Variants in GRM2 observed in about 807,000 individuals in gnomAD.
GRM2 encodes the protein glutamate metabotropic receptor 2.
Under a neutral mutation model 60.4 loss-of-function variants are expected in GRM2, and 35 were observed. The observed-to-expected ratio is 0.58, with a 90% CI of 0.44 to 0.77. GRM2 has a LOEUF of 0.77. Among genes scored for constraint, GRM2 ranks in the 30% least tolerant of loss-of-function variants. The pLI is 0.00. For synonymous variants in GRM2, 437 were observed against 484.1 expected, an observed-to-expected ratio of 0.90 and a Z score of 1.28; for missense variants, 925 against 1,199.5, an observed-to-expected ratio of 0.77 and a Z score of 3.38.
intron 2 of GRM2, among the ~76,000 whole-genome samples, chr3:51,709,656 A>ACCCATG (rs1703621545): frequency 1.1e-5 from 1 of 92,122 alleles, no homozygotes. Context: ...ACTCCCACAC[A>ACCCATG]CACACACACC....
intron 2 of GRM2, among the ~76,000 whole-genome samples, chr3:51,711,032 A>G (rs1328968182): frequency 1.3e-5 from 2 of 152,226 alleles, no homozygotes; most frequent in Non-Finnish European, 2.9e-5. Flanking sequence ...GTCCTAGAAC[A>G]GTTGTTCAGG....
In GRM2 at chr3:51,709,186, C is replaced by T; in HGVS notation, c.203C>T (p.Ala68Val). 1 of 1,612,168 alleles carries T rather than the reference C, an allele frequency of 6.2e-7. No homozygotes were observed. Among genetic ancestry groups the T allele is most frequent in the Non-Finnish European group, 8.5e-7 (1 of 1,179,568 alleles). ...GIQRLEAMLF[A>V]LDRINRDPHL... ...CAGCGCCTGGAGGCCATGCTTTTTGCACTGGACCGCATCAACCGTGACCCG... is the reference window on the plus strand; with the variant it reads ...CAGCGCCTGGAGGCCATGCTTTTTGTACTGGACCGCATCAACCGTGACCCG... The change falls in exon 2 of 6, where the codon GCA becomes GTA. Residue 68 changes from alanine (A) to valine (V), a missense_variant. Physicochemically the swap from Ala to Val is moderately conservative, Grantham distance 64. Transcript: ENST00000395052.
At position 51,709,272 on chromosome 3, in the gene GRM2, C is replaced by G. The variant is rs1196233477; in HGVS notation, c.289C>G (p.His97Asp). The G allele has an allele frequency of 6.2e-7, 1 of 1,604,558 alleles. No individual in the cohort carries two copies. The highest frequency in any genetic ancestry group is 8.5e-7 in the Non-Finnish European group (1 of 1,173,368). Reference protein sequence around the residue: ...HILDSCSKDTHALEQALDFVR... With the variant: ...HILDSCSKDTDALEQALDFVR... Reference sequence around the variant, plus strand: ...CCTCGACAGTTGCTCCAAGGACACACATGCGCTGGAGCAGGCACTGGACTT... The same window carrying G: ...CCTCGACAGTTGCTCCAAGGACACAGATGCGCTGGAGCAGGCACTGGACTT... The change falls in exon 2 of 6, where the codon CAT becomes GAT. Residue 97 changes from histidine to aspartate, a missense_variant. Coordinates refer to ENST00000395052, the MANE Select transcript of GRM2 (RefSeq NM_000839.5).
At chr3:51,714,127 T>G in intron 3 of GRM2, 1 of 346,502 alleles carries the variant, frequency 2.9e-6, no homozygotes, top group Non-Finnish European at 5.8e-6. Context: ...GAAGAGTACT[T>G]CCAATAGAAC....
Position 51,712,564 on chromosome 3 carries a change from T to C in GRM2, c.542T>C (p.Phe181Ser). Residue 181 changes from phenylalanine to serine, a missense_variant, in exon 3 of 6, where the codon TTT becomes TCT. Transcript: ENST00000395052. This position sits in a 1 kb window ranked among gnomAD's most constrained non-coding sequence, Gnocchi z 5.3. The part of the protein sequence containing the change: ...KLSDKSRYDY[F>S]ARTVPPDFFQ... ...AGTGACAAGTCCCGCTATGACTACT[T>C]TGCCCGCACAGTGCCTCCTGACTTC... The C allele has an allele frequency of 2.5e-6, 4 of 1,614,118 alleles. No homozygotes were observed. The highest frequency in any genetic ancestry group is 3.4e-6 in the Non-Finnish European group (4 of 1,179,986).
In GRM2 at chr3:51,716,145, A is replaced by G. The variant is rs758562901; in HGVS notation, c.2364+8A>G. The G allele has an allele frequency of 2.1e-5, 34 of 1,581,898 alleles. No homozygotes were observed. Among genetic ancestry groups the G allele is most frequent in the Non-Finnish European group, 2.9e-5 (33 of 1,152,552 alleles). Reference sequence around the variant, plus strand: ...ACCTCCAGTGACTACCGGGTGAGCTACCTGCCACAGAGGTCGGGGGAGATG... The same window carrying G: ...ACCTCCAGTGACTACCGGGTGAGCTGCCTGCCACAGAGGTCGGGGGAGATG... On this transcript the variant is annotated splice_region_variant and intron_variant, in intron 4 of 5. Transcript: ENST00000395052. This position sits in a 1 kb window ranked among gnomAD's most constrained non-coding sequence, Gnocchi z 4.0.
intron 2 of GRM2, 58 bp downstream of exon 2, chr3:51,709,491 A>G: frequency 8.0e-7 from 1 of 1,255,882 alleles, no homozygotes; most frequent in Admixed American, 2.7e-5. Context: ...GGTGACCCAG[A>G]ATTCCTGCTG....
Position 51,712,922 on chromosome 3 carries a change from G to A in GRM2, c.900G>A (p.Leu300=). ...TWVASDGWGA[L]ESVVAGSEGA... is the part of the protein sequence containing the mutation. Reference sequence around the variant, plus strand: ...TGGCCAGTGATGGTTGGGGGGCCCTGGAGAGTGTGGTGGCAGGCAGTGAGG... The same window carrying A: ...TGGCCAGTGATGGTTGGGGGGCCCTAGAGAGTGTGGTGGCAGGCAGTGAGG... Residue 300 remains leucine (L), a synonymous_variant, in exon 3 of 6, where the codon CTG becomes CTA. Transcript: ENST00000395052. The surrounding 1 kb of genome is among the most constrained non-coding windows in gnomAD (Gnocchi z 5.3). The A allele has an allele frequency of 6.2e-7, 1 of 1,613,058 alleles. No homozygotes were observed. The highest frequency in any genetic ancestry group is 1.6e-4 in the Middle Eastern group (1 of 6,062).
chr3:51,708,510 G>A (rs1490891459), intron 1 of GRM2: 3 of 155,910 alleles, frequency 1.9e-5, no homozygotes, highest in Non-Finnish European at 2.8e-5. Flanking sequence ...GGTCCTGGGA[G>A]GTTTGTGCTG....
rs542779542 is a variant in GRM2 at position 51,709,068 on chromosome 3, G to C, written c.85G>C (p.Glu29Gln). 3.7e-6 allele frequency: 6 copies of C among 1,608,074 alleles called. No individual in the cohort carries two copies. In the South Asian group the frequency reaches 6.6e-5, roughly 18 times the overall value. The part of the protein sequence containing the change: ...EGPAKKVLTL[E>Q]GDLVLGGLFP... ...CCCAGCCAAGAAGGTGCTGACCCTG[G>C]AGGGAGACTTGGTGCTGGGTGGGCT... The change falls in exon 2 of 6, where the codon GAG becomes CAG. Residue 29 changes from glutamate to glutamine, a missense_variant. By Grantham distance (29) the Glu-to-Gln change is conservative (BLOSUM62 2). Coordinates refer to ENST00000395052, the MANE Select transcript of GRM2 (RefSeq NM_000839.5).
chr3:51,708,912 T>G lies in GRM2; in HGVS notation c.-72T>G. 1 of 1,193,868 alleles carries G rather than the reference T, an allele frequency of 8.4e-7. No individual in the cohort carries two copies. Among genetic ancestry groups the G allele is most frequent in the Admixed American group, 2.7e-5 (1 of 37,300 alleles). The allele number at this position is 1,193,868 out of a possible 1,614,324, so 74.0% of individuals were successfully genotyped here. On this transcript the variant is annotated 5_prime_UTR_variant, in exon 2 of 6. Coordinates refer to ENST00000395052, the MANE Select transcript of GRM2 (RefSeq NM_000839.5). ...TCCTGGTCCCTGTTTCCTCCTCTCT[T>G]TGCCTTCGCTGCTTCTAATCTCATC...
In GRM2 at chr3:51,715,105, C is replaced by T. The variant is rs1235014012; in HGVS notation, c.1332C>T (p.Asp444=). The change falls in exon 4 of 6, where the codon GAC becomes GAT. Residue 444 remains aspartate (D), a synonymous_variant. Transcript: ENST00000395052. The surrounding 1 kb of genome is among the most constrained non-coding windows in gnomAD (Gnocchi z 9.0). ...PADTHNEVRF[D]RFGDGIGRYN... ...ACACCCACAATGAGGTCCGCTTTGA[C>T]CGCTTTGGTGATGGTATTGGCCGCT... is the stretch of plus-strand genomic sequence containing the variant. The T allele has an allele frequency of 6.3e-7, 1 of 1,590,398 alleles. No homozygotes were observed. Among genetic ancestry groups the T allele is most frequent in the Non-Finnish European group, 8.6e-7 (1 of 1,166,452 alleles).
chr3:51,715,758 G>A lies in GRM2; in HGVS notation c.1985G>A (p.Gly662Asp). The A allele has an allele frequency of 1.9e-6, 3 of 1,613,810 alleles. No homozygotes were observed. Among genetic ancestry groups the A allele is most frequent in the Non-Finnish European group, 2.5e-6 (3 of 1,179,790 alleles). The change falls in exon 4 of 6, where the codon GGT (glycine) becomes GAT (aspartate). Residue 662 changes from glycine to aspartate, a missense_variant. By Grantham distance (94) the Gly-to-Asp change is moderately conservative (BLOSUM62 -1). Coordinates refer to ENST00000395052, the MANE Select transcript of GRM2 (RefSeq NM_000839.5). The surrounding 1 kb of genome is among the most constrained non-coding windows in gnomAD (Gnocchi z 9.0). The stretch of plus-strand genomic sequence containing the variant: ...ACCAACCGCATTGCACGCATCTTCG[G>A]TGGGGCCCGGGAGGGTGCCCAGCGG... Reference protein sequence around the residue: ...TKTNRIARIFGGAREGAQRPR... With the variant: ...TKTNRIARIFDGAREGAQRPR...
At position 51,716,213 on chromosome 3, in the gene GRM2, T is replaced by C. The variant is rs1253586961; in HGVS notation, c.2364+76T>C. On this transcript the variant is annotated intron_variant, in intron 4 of 5. Transcript: ENST00000395052. The surrounding 1 kb of genome is among the most constrained non-coding windows in gnomAD (Gnocchi z 4.0). ...TTTCCTGGTATCTTATTTAATCTAC[T>C]GGTAGCTCTGGGGTTCCAAGAGGAT... 2.1e-6 allele frequency: 2 copies of C among 973,696 alleles called. No homozygotes were observed. The highest frequency in any genetic ancestry group is 2.5e-5 in the East Asian group (1 of 40,232). 60.3% of individuals were successfully genotyped at this position (973,696 alleles called of 1,614,324 possible).
In GRM2 at chr3:51,718,047, T is replaced by C. The variant is rs1360173079; in HGVS notation, c.2554T>C (p.Ser852Pro). The stretch of plus-strand genomic sequence containing the variant: ...TGGCTTCCTTTTCTTAGGGTCTGGC[T>C]CCCAGTTTGTCCCCACTGTTTGCAA... ...ASSSLGQGSG[S>P]QFVPTVCNGR... The change falls in exon 6 of 6, where the codon TCC (serine) becomes CCC (proline). Residue 852 changes from serine to proline, a missense_variant. Ser to Pro is a moderately conservative substitution (Grantham distance 74). Coordinates refer to ENST00000395052, the MANE Select transcript of GRM2 (RefSeq NM_000839.5). The surrounding 1 kb of genome is among the most constrained non-coding windows in gnomAD (Gnocchi z 4.2). The C allele has an allele frequency of 2.5e-5, 40 of 1,613,972 alleles. No individual in the cohort carries two copies. Among genetic ancestry groups the C allele is most frequent in the Non-Finnish European group, 3.4e-5 (40 of 1,179,968 alleles).
rs568221412 is a variant in GRM2, at chr3:51,713,681, T to C, written c.1288+371T>C. The stretch of plus-strand genomic sequence containing the variant: ...AATCAGTCTGGCTTGAGGGTGAGCA[T>C]CAGGATGACGCTCTATATTCACGGA... On this transcript the variant is annotated intron_variant, in intron 3 of 5. Coordinates refer to ENST00000395052, the MANE Select transcript of GRM2 (RefSeq NM_000839.5). This position sits in a 1 kb window ranked among gnomAD's most constrained non-coding sequence, Gnocchi z 4.8. The C allele has an allele frequency of 1.6e-4, 50 of 313,986 alleles. No individual in the cohort carries two copies. Among genetic ancestry groups the C allele is most frequent in the South Asian group, 1.1e-3 (25 of 23,238 alleles). The allele number at this position is 313,986 out of a possible 1,614,324, so 19.4% of individuals were successfully genotyped here. A position where few individuals can be genotyped will look rare whatever the true frequency, so the allele number is the denominator to read the frequency against.
At chr3:51,711,072 A>G (rs1300689170) in intron 2 of GRM2, among the ~76,000 whole-genome samples, 1 of 152,120 alleles carries the variant, frequency 6.6e-6, no homozygotes, top group African/African-American at 2.4e-5. Context: ...AAATCAGAGA[A>G]CCCTGGAGTC....
At position 51,709,345 on chromosome 3, in the gene GRM2, GC is replaced by G. The variant is rs1362589638; in HGVS notation, c.366del (p.Asp123ThrfsTer33). The G allele has an allele frequency of 6.3e-7, 1 of 1,595,342 alleles. No homozygotes were observed. The highest frequency in any genetic ancestry group is 8.6e-7 in the Non-Finnish European group (1 of 1,165,580). On this transcript the variant is annotated frameshift_variant, in exon 2 of 6. Transcript: ENST00000395052. LOFTEE classifies it high-confidence loss of function. ...SRGADGSRHI[C>X]PDGSYATHGD... ...GGTGCTGATGGCTCACGCCACATCT[GC>G]CCCGACGGCTCTTATGCGACCCATG...
rs567499268 is a variant in GRM2 at position 51,715,859 on chromosome 3, G to A, written c.2086G>A (p.Ala696Thr). ...CTCGGGCCAGCTGCTCATCGTGGTC[G>A]CCTGGCTGGTGGTGGAGGCACCGGG... is the stretch of plus-strand genomic sequence containing the variant. Reference protein sequence around the residue: ...LISGQLLIVVAWLVVEAPGTG... With the variant: ...LISGQLLIVVTWLVVEAPGTG... The change falls in exon 4 of 6, where the codon GCC (alanine) becomes ACC (threonine). Residue 696 changes from alanine (A) to threonine (T), a missense_variant. Physicochemically the swap from Ala to Thr is moderately conservative, Grantham distance 58. Transcript: ENST00000395052. This position sits in a 1 kb window ranked among gnomAD's most constrained non-coding sequence, Gnocchi z 9.0. 37 of 1,613,222 alleles carry A rather than the reference G, an allele frequency of 2.3e-5. No individual in the cohort carries two copies. Among genetic ancestry groups the A allele is most frequent in the Middle Eastern group, 1.6e-4 (1 of 6,062 alleles).
Sources: allele counts gnomAD v4.1 joint callset (sites outside exome capture counted in the v4.1 genomes callset), GRCh38; gene constraint gnomAD v4.1.1; non-coding constraint Gnocchi (gnomAD v3.1); transcripts MANE v1.5; gene names NCBI Gene and HGNC (gene_info 2026-07-23, HGNC 2026-07-21).